The following TOX variants were observed in gnomAD, a reference collection of about 807,000 sequenced individuals.
TOX encodes thymocyte selection-associated high mobility group box protein TOX.
Under a neutral mutation model 53.7 loss-of-function variants are expected in TOX, and 11 were observed. The observed-to-expected ratio is 0.20, with a 90% CI of 0.13 to 0.34. The LOEUF (loss-of-function observed/expected upper bound fraction) is 0.34. TOX is among the 10% of genes least tolerant of loss of function. TOX has a pLI of 1.00. For synonymous variants in TOX, 225 were observed against 245.3 expected, an observed-to-expected ratio of 0.92 and a Z score of 0.77; for missense variants, 570 against 664.6, an observed-to-expected ratio of 0.86 and a Z score of 1.56.
intron 1 of TOX, among the ~76,000 whole-genome samples, chr8:58,999,991 A>G: frequency 6.6e-6 from 1 of 152,242 alleles, no homozygotes; most frequent in East Asian, 1.9e-4. Context: ...ACAGAAATCA[A>G]GACGGGAGGA....
intron 2 of TOX, among the ~76,000 whole-genome samples, chr8:58,952,377 A>G (rs1812635540): frequency 6.6e-6 from 1 of 152,236 alleles, no homozygotes; most frequent in African/African-American, 2.4e-5. Context: ...GGCATTCTTT[A>G]GTGACAGGTT....
intron 1 of TOX, among the ~76,000 whole-genome samples, chr8:59,007,859 GT>G (rs1408989773): frequency 1.1e-4 from 16 of 152,202 alleles, no homozygotes; most frequent in Admixed American, 2.6e-4. Context: ...CTTTGGGGAA[GT>G]TTGTCTAAGA....
At chr8:58,893,441 T>A (rs1355320361) in intron 3 of TOX, among the ~76,000 whole-genome samples, 2 of 152,218 alleles carry the variant, frequency 1.3e-5, no homozygotes, top group African/African-American at 4.8e-5. Flanking sequence ...ATGCACCACA[T>A]TATCTAGTGA....
rs190506208 is a variant in TOX, at chr8:59,109,586, G to C, written c.102+9300C>G. Among the ~76,000 whole-genome samples, 13 of 152,244 alleles carry C rather than the reference G, an allele frequency of 8.5e-5. No individual in the cohort carries two copies. The East Asian group carries it at 2.5e-3, about 29-fold the overall frequency. On this transcript the variant is annotated intron_variant, in intron 1 of 8. Transcript: ENST00000361421. ...GCCATGAATATAATAGCCTTTTATAGCCATCAGGGGAGTGAGGTAGGAGGC... is the reference window on the plus strand; with the variant it reads ...GCCATGAATATAATAGCCTTTTATACCCATCAGGGGAGTGAGGTAGGAGGC...
At chr8:59,093,391 TGG>T (rs1804659170) in intron 1 of TOX, among the ~76,000 whole-genome samples, 1 of 152,188 alleles carries the variant, frequency 6.6e-6, no homozygotes, top group South Asian at 2.1e-4. Flanking sequence ...CAAGCACAGG[TGG>T]TGGTAGGTGC....
intron 1 of TOX, among the ~76,000 whole-genome samples, chr8:58,999,487 G>GAAATACTGTA (rs914435703): frequency 1.3e-5 from 2 of 152,160 alleles, no homozygotes; most frequent in African/African-American, 4.8e-5. Flanking sequence ...GACTATTGTA[G>GAAATACTGTA]AAATACTGTA....
intron 1 of TOX, among the ~76,000 whole-genome samples, chr8:58,984,688 C>T (rs1813291383): frequency 6.7e-6 from 1 of 149,204 alleles, no homozygotes; most frequent in African/African-American, 2.5e-5. Flanking sequence ...GAGGCTGAGG[C>T]CGGAGAATGG....
At chr8:58,939,152 A>T in intron 3 of TOX, 150 bp downstream of exon 3, 1 of 1,056,862 alleles carries the variant, frequency 9.5e-7, no homozygotes, top group Non-Finnish European at 1.4e-6. Context: ...ACATTGCTTT[A>T]GAAATGTGTA....
At chr8:59,001,944 T>C (rs379881) in intron 1 of TOX, among the ~76,000 whole-genome samples, 92,628 of 149,870 alleles carry the variant, frequency 0.62, 29,631 homozygotes, top group South Asian at 0.75. Context: ...AAGGAGACAA[T>C]GGCACAATTT....
At chr8:59,066,470 T>A (rs1804095150) in intron 1 of TOX, among the ~76,000 whole-genome samples, 1 of 152,020 alleles carries the variant, frequency 6.6e-6, no homozygotes, top group South Asian at 2.1e-4. Flanking sequence ...AAAAAAAAAA[T>A]TCCAATAACA....
At chr8:59,012,081 T>C (rs1463405008) in intron 1 of TOX, among the ~76,000 whole-genome samples, 2 of 152,136 alleles carry the variant, frequency 1.3e-5, no homozygotes, top group Non-Finnish European at 2.9e-5. Context: ...CTGTCACCCT[T>C]GTATCCTCTC....
chr8:59,091,190 G>A (rs906541885), intron 1 of TOX, among the ~76,000 whole-genome samples: 5 of 151,928 alleles, frequency 3.3e-5, no homozygotes, highest in Non-Finnish European at 5.9e-5. Context: ...TCATTCCTCC[G>A]TCCACCACTG....
intron 3 of TOX, among the ~76,000 whole-genome samples, chr8:58,874,063 AG>A (rs1811244619): frequency 6.8e-6 from 1 of 146,656 alleles, no homozygotes; most frequent in Admixed American, 6.9e-5. Context: ...ATCATACTGA[AG>A]AAAAAGAAAC....
At position 58,957,645 on chromosome 8, in the gene TOX, T is replaced by C. The variant is rs115013979; in HGVS notation, c.168+2298A>G. ...TGCAGCAACATCACAGGAGCAGTAG[T>C]GCGCCATATGTTGCTACTTAGCAAC... is the stretch of plus-strand genomic sequence containing the variant. On this transcript the variant is annotated intron_variant, in intron 2 of 8. Transcript: ENST00000361421. Among the ~76,000 whole-genome samples, 726 of 152,342 alleles carry C rather than the reference T, an allele frequency of 4.8e-3. 3 individuals are homozygous for C. Among genetic ancestry groups the C allele is most frequent in the African/African-American group, 0.017 (697 of 41,582 alleles).
intron 3 of TOX, among the ~76,000 whole-genome samples, chr8:58,921,414 T>A (rs1413019024): frequency 1.3e-5 from 2 of 152,226 alleles, no homozygotes; most frequent in Non-Finnish European, 2.9e-5. Context: ...CAGATCTATA[T>A]GACAATTTGC....
At chr8:58,918,741 A>G (rs1390808930) in intron 3 of TOX, among the ~76,000 whole-genome samples, 3 of 72,894 alleles carry the variant, frequency 4.1e-5, no homozygotes, top group African/African-American at 5.8e-5. Flanking sequence ...AGGGTATTCA[A>G]TTAGGAAAAG....
At chr8:58,873,196 CAG>C (rs1811226213) in intron 3 of TOX, among the ~76,000 whole-genome samples, 1 of 152,040 alleles carries the variant, frequency 6.6e-6, no homozygotes, top group Non-Finnish European at 1.5e-5. Flanking sequence ...TGCATACAAA[CAG>C]AATGGTTTCT....
chr8:58,976,315 C>G (rs937889257), intron 1 of TOX, among the ~76,000 whole-genome samples: 5 of 152,196 alleles, frequency 3.3e-5, no homozygotes, highest in African/African-American at 9.6e-5. Flanking sequence ...GAAGAAACCA[C>G]TCTCTTTGCT....
At chr8:59,043,373 ATTTATT>A (rs1391826077) in intron 1 of TOX, among the ~76,000 whole-genome samples, 2 of 151,440 alleles carry the variant, frequency 1.3e-5, no homozygotes, top group Admixed American at 6.6e-5. Context: ...AATGTTTATT[ATTTATT>A]TTTAAGTATT....
Sources: allele counts gnomAD v4.1 joint callset (sites outside exome capture counted in the v4.1 genomes callset), GRCh38; gene constraint gnomAD v4.1.1; transcripts MANE v1.5; gene names NCBI Gene and HGNC (gene_info 2026-07-23, HGNC 2026-07-21).